HELQ: variants seen among roughly 807,000 people sequenced by gnomAD.
The protein encoded by HELQ is helicase POLQ-like.
In HELQ, 77 loss-of-function variants were observed where a neutral mutation model predicts 111.6. The observed-to-expected ratio is 0.69, with a 90% confidence interval of 0.57 to 0.83. The LOEUF is 0.83. Ranked by LOEUF, HELQ falls within the 40% of genes least tolerant of loss-of-function variation. HELQ has a pLI of 0.00. For missense variants in HELQ, 1,200 were observed against 1,288.5 expected (o/e 0.93, Z 1.05); for synonymous variants, 438 against 454.7 (o/e 0.96, Z 0.47).
chr4:83,454,787 T>C (rs1048538131), intron 1 of HELQ, among the ~76,000 whole-genome samples: 4 of 152,088 alleles, frequency 2.6e-5, no homozygotes, highest in African/African-American at 9.7e-5. Context: ...TCTACTGAAA[T>C]GTCAGCGCAT....
intron 2 of HELQ, among the ~76,000 whole-genome samples, chr4:83,450,363 T>C (rs555485704): frequency 3.2e-4 from 48 of 148,966 alleles, no homozygotes; most frequent in Non-Finnish European, 3.0e-5. Context: ...CCCATCTCTA[T>C]TAAAAAAAAA....
intron 17 of HELQ, among the ~76,000 whole-genome samples, chr4:83,409,393 A>G (rs893987335): frequency 2.0e-5 from 3 of 152,056 alleles, no homozygotes; most frequent in Admixed American, 2.0e-4. Context: ...TACTAAAAAT[A>G]CAAAAAAAAA....
rs181756412 is a variant in HELQ, at chr4:83,444,052, G to A, written c.1466-438C>T. 2.9e-3 allele frequency among the ~76,000 whole-genome samples: 448 copies of A among 152,170 alleles called. 2 individuals are homozygous for A. Among genetic ancestry groups the A allele is most frequent in the African/African-American group, 0.01 (432 of 41,510 alleles). ...AGTGAGACCTGACCTCTTAAAAAAA[G>A]AAAACTACAAATATATTACCAGAGT... On this transcript the variant is annotated intron_variant, in intron 5 of 17. Transcript: ENST00000295488.
chr4:83,448,007 C>T (rs927291188), intron 3 of HELQ, among the ~76,000 whole-genome samples: 32 of 151,250 alleles, frequency 2.1e-4, no homozygotes, highest in African/African-American at 7.3e-4. Context: ...GTCAGAAGTT[C>T]GAGACCAGCC....
rs1043564206 is a variant in HELQ, at chr4:83,411,357, C to A, written c.3199-3797G>T. Among the ~76,000 whole-genome samples the A allele has an allele frequency of 2.0e-5, 3 of 151,396 alleles. No individual in the cohort carries two copies. The East Asian group carries it at 5.9e-4, about 30-fold the overall frequency. On this transcript the variant is annotated intron_variant, in intron 17 of 17. Transcript: ENST00000295488. ...CCAGGCATGGTGGCTCACTCGTAAT[C>A]CCAGCATTTTGGGAGGCTGAGGAGG...
chr4:83,426,713 G>A (rs903364110), intron 13 of HELQ, among the ~76,000 whole-genome samples: 6 of 151,974 alleles, frequency 3.9e-5, no homozygotes, highest in Non-Finnish European at 7.4e-5. Context: ...ACTGGTGTGC[G>A]CCACCATGAC....
chr4:83,455,827 G>A (rs1560565056), upstream of HELQ: 4 of 921,740 alleles, frequency 4.3e-6, no homozygotes, highest in East Asian at 2.4e-5. Flanking sequence ...AGCTCTCAGG[G>A]CTCGCGGACC....
At chr4:83,424,532 A>G (rs1399982585) in intron 14 of HELQ, among the ~76,000 whole-genome samples, 5 of 152,146 alleles carry the variant, frequency 3.3e-5, no homozygotes, top group Admixed American at 6.6e-5. Context: ...AGAAGCTAGG[A>G]GTACAGGTGT....
chr4:83,424,303 T>C (rs1397885967), intron 14 of HELQ, among the ~76,000 whole-genome samples: 2 of 152,226 alleles, frequency 1.3e-5, no homozygotes, highest in Non-Finnish European at 2.9e-5. Context: ...GAGTTTGATA[T>C]AAAAGGTTTG....
In HELQ at chr4:83,416,820, G is replaced by A. The variant is rs759635078; in HGVS notation, c.3109C>T (p.His1037Tyr). Residue 1037 changes from histidine to tyrosine, a missense_variant, in exon 17 of 18, where the codon CAC (histidine) becomes TAC (tyrosine). Physicochemically the swap from His to Tyr is moderately conservative, Grantham distance 83 (BLOSUM62 2). Transcript: ENST00000295488. ...LYSAGYKSLMHLANANPEVLV... is the reference protein window; with the variant it reads ...LYSAGYKSLMYLANANPEVLV... ...ACTTCAGGATTTGCATTAGCTAAGTGCATTAGACTTTTGTAACCTGCACTG... is the reference window on the plus strand; with the variant it reads ...ACTTCAGGATTTGCATTAGCTAAGTACATTAGACTTTTGTAACCTGCACTG... 1.3e-5 allele frequency: 21 copies of A among 1,613,600 alleles called. No homozygotes were observed. The highest frequency in any genetic ancestry group is 1.8e-5 in the Non-Finnish European group (21 of 1,179,634).
In HELQ at chr4:83,446,904, T is replaced by C. The variant is rs369359802; in HGVS notation, c.1323A>G (p.Gly441=). 1.2e-6 allele frequency: 2 copies of C among 1,613,440 alleles called. No individual in the cohort carries two copies. Among genetic ancestry groups the C allele is most frequent in the African/African-American group, 2.7e-5 (2 of 74,936 alleles). The stretch of plus-strand genomic sequence containing the variant: ...CAATCAAGGAGTTCACCAAGCTATG[T>C]CCTTTTTCAATAGTGGCAATATAGA... ...KSLYIATIEK[G]HSLVNSLIET... Residue 441 remains glycine, a synonymous_variant, in exon 4 of 18, where the codon GGA becomes GGG. Transcript: ENST00000295488.
rs1175098887 is a variant in HELQ at position 83,433,665 on chromosome 4, C to CAA, written c.2049-1400_2049-1399dup. Among the ~76,000 whole-genome samples the CAA allele has an allele frequency of 2.0e-3, 93 of 46,728 alleles. 1 individual carries two copies. The highest frequency in any genetic ancestry group is 3.4e-3 in the African/African-American group (52 of 15,178). 30.7% of individuals were successfully genotyped at this position (46,728 alleles called of 152,430 possible). On this transcript the variant is annotated intron_variant, in intron 9 of 17. Transcript: ENST00000295488. ...TGGGTGACAGAGCGAGACTCCGTCT[C>CAA]AAAAAAAAAAAAAAAAAAAAAAGGA... is the stretch of plus-strand genomic sequence containing the variant.
intron 17 of HELQ, among the ~76,000 whole-genome samples, chr4:83,415,494 G>T (rs983504090): frequency 2.6e-5 from 4 of 152,140 alleles, no homozygotes; most frequent in Non-Finnish European, 5.9e-5. Flanking sequence ...GATGATGCAG[G>T]CTCCTTGTCA....
At position 83,455,376 on chromosome 4, in the gene HELQ, C is replaced by G. The variant is rs373640546; in HGVS notation, c.297+21G>C. The stretch of plus-strand genomic sequence containing the variant: ...GAAGGATGCCAAAAGTTTGCAGTTT[C>G]AAGTTCCAAGTCCTCCGTACCTGGT... On this transcript the variant is annotated intron_variant, in intron 1 of 17. Transcript: ENST00000295488. 3.4e-4 allele frequency: 541 copies of G among 1,600,546 alleles called. 3 individuals carry two copies. In the Admixed American group the frequency reaches 5.5e-3, roughly 16 times the overall value.
At chr4:83,416,245 G>A (rs1369326297) in intron 17 of HELQ, among the ~76,000 whole-genome samples, 1 of 150,916 alleles carries the variant, frequency 6.6e-6, no homozygotes, top group Non-Finnish European at 1.5e-5. Context: ...ACCATGCCTG[G>A]CATTTTTTTT....
Position 83,420,371 on chromosome 4 carries a change from T to G in HELQ, c.2949+1192A>C, listed in dbSNP as rs1477484351. 2.0e-5 allele frequency among the ~76,000 whole-genome samples: 3 copies of G among 152,198 alleles called. 1 individual carries two copies. The highest frequency in any genetic ancestry group is 7.2e-5 in the African/African-American group (3 of 41,452). On this transcript the variant is annotated intron_variant, in intron 15 of 17. Coordinates refer to ENST00000295488, the MANE Select transcript of HELQ (RefSeq NM_133636.5). ...AATATGGGCCAGGCGTGGCGGCTCA[T>G]GCCTGTAATCCCAGCACTTTGGAAG... is the stretch of plus-strand genomic sequence containing the variant.
rs1364568204 is a variant in HELQ at position 83,448,803 on chromosome 4, C to T, written c.1171G>A (p.Val391Met). The part of the protein sequence containing the change: ...RKDVLMILPY[V>M]AIVQEKISGL... ...CACACCTTTTCTTGGACAATTGCCA[C>T]ATATGGAAGAATCATTAAAACATCT... Residue 391 changes from valine to methionine, a missense_variant, in exon 3 of 18, where the codon GTG (valine) becomes ATG (methionine). Physicochemically the swap from Val to Met is conservative, Grantham distance 21 (BLOSUM62 1). Transcript: ENST00000295488. 1 of 1,613,382 alleles carries T rather than the reference C, an allele frequency of 6.2e-7. No homozygotes were observed.
At chr4:83,450,956 G>A (rs967248850) in intron 2 of HELQ, among the ~76,000 whole-genome samples, 3 of 152,122 alleles carry the variant, frequency 2.0e-5, no homozygotes, top group Non-Finnish European at 1.5e-5. Flanking sequence ...AGGTTCTGAC[G>A]CAGTAGGTCT....
intron 17 of HELQ, among the ~76,000 whole-genome samples, chr4:83,411,175 AAAG>A (rs1739073255): frequency 6.6e-6 from 1 of 151,068 alleles, no homozygotes; most frequent in African/African-American, 2.4e-5. Flanking sequence ...AAAAAAAAAA[AAAG>A]AAAGTCAAGC....
Sources: gnomAD v4.1 joint callset for allele counts (sites outside exome capture counted in the v4.1 genomes callset) on GRCh38, gnomAD v4.1.1 for gene constraint, MANE v1.5 for transcripts, NCBI Gene and HGNC (gene_info 2026-07-23, HGNC 2026-07-21) for gene names.